ATOH8: variants seen among roughly 807,000 people sequenced by gnomAD.
ATOH8 encodes transcription factor ATOH8.
In ATOH8, 9 loss-of-function variants were observed where a neutral mutation model predicts 21.2. The ratio of observed to expected loss-of-function variants is 0.42; its 90% CI spans 0.26 to 0.74. ATOH8 has a LOEUF of 0.74. ATOH8 is among the 30% of genes least tolerant of loss of function. ATOH8 has a pLI of 0.24. For synonymous variants in ATOH8, 253 were observed against 224.0 expected (o/e 1.13, Z -1.16); for missense variants, 524 against 470.9 (o/e 1.11, Z -1.04).
At chr2:85,765,422 C>T (rs1265939636) in intron 2 of ATOH8, among the ~76,000 whole-genome samples, 1 of 152,260 alleles carries the variant, frequency 6.6e-6, no homozygotes, top group East Asian at 1.9e-4. Flanking sequence ...GCCACGGTAA[C>T]TGCACGTTGC....
In ATOH8 at chr2:85,754,353, T is replaced by C. The variant is rs1384523591; in HGVS notation, c.164T>C (p.Val55Ala). The C allele has an allele frequency of 2.5e-6, 4 of 1,606,594 alleles. No individual in the cohort carries two copies. The highest frequency in any genetic ancestry group is 2.5e-6 in the Non-Finnish European group (3 of 1,177,468). The change falls in exon 1 of 3, where the codon GTA becomes GCA. Residue 55 changes from valine (V) to alanine (A), a missense_variant. Physicochemically the swap from Val to Ala is moderately conservative, Grantham distance 64 (BLOSUM62 0). Transcript: ENST00000306279. Reference sequence around the variant, plus strand: ...TTGGAAGCGCCCGAGCCCCGCGCCGTAGCCACCAACGGGCTGCGGGACAGG... The same window carrying C: ...TTGGAAGCGCCCGAGCCCCGCGCCGCAGCCACCAACGGGCTGCGGGACAGG... ...LDLEAPEPRA[V>A]ATNGLRDRTH...
intron 2 of ATOH8, among the ~76,000 whole-genome samples, chr2:85,770,683 T>C (rs1355092559): frequency 3.9e-5 from 6 of 152,174 alleles, no homozygotes. Context: ...GAGCTGGCTT[T>C]CCCTGAACGT....
chr2:85,786,969 T>G lies in ATOH8; in HGVS notation c.*79T>G. 6.3e-7 allele frequency: 1 copy of G among 1,597,074 alleles called. No individual in the cohort carries two copies. ...CTGAGGACAAGGTGAGCTCGCTGAG[T>G]CCAGCCTCGTGGTCTTCTCCAAGAT... On this transcript the variant is annotated 3_prime_UTR_variant, in exon 3 of 3. Transcript: ENST00000306279.
intron 1 of ATOH8, among the ~76,000 whole-genome samples, chr2:85,760,329 G>A (rs529739307): frequency 4.0e-5 from 6 of 151,586 alleles, no homozygotes; most frequent in African/African-American, 9.7e-5. Flanking sequence ...AGGGTGAGCC[G>A]ACAATGGCTG....
rs754810430 is a variant in ATOH8 at position 85,786,936 on chromosome 2, AG to A, written c.*47del. ...GGCCACCACTGTGGGCCCTCCTTCC[AG>A]TCAGGCCTGAGGACAAGGTGAGCTC... is the stretch of plus-strand genomic sequence containing the variant. On this transcript the variant is annotated 3_prime_UTR_variant, in exon 3 of 3. Transcript: ENST00000306279. 1.7e-5 allele frequency: 27 copies of A among 1,613,968 alleles called. No homozygotes were observed. The East Asian group carries it at 2.7e-4, about 16-fold the overall frequency.
rs1279856666 is a variant in ATOH8 at position 85,766,779 on chromosome 2, GGTCATAATTGCTAGCT to G, written c.960+2602_960+2617del. On this transcript the variant is annotated intron_variant, in intron 2 of 2. Transcript: ENST00000306279. This position sits in a 1 kb window ranked among gnomAD's most constrained non-coding sequence, Gnocchi z 4.0. Reference sequence around the variant, plus strand: ...CGCTTCTGGGCACCTATGCTTTTGCGGTCATAATTGCTAGCTGTCACCCTCCATCTGTCTGTCTACC... The same window carrying G: ...CGCTTCTGGGCACCTATGCTTTTGCGGTCACCCTCCATCTGTCTGTCTACC... Among the ~76,000 whole-genome samples, 1 of 152,120 alleles carries G rather than the reference GGTCATAATTGCTAGCT, an allele frequency of 6.6e-6. No individual in the cohort carries two copies. The highest frequency in any genetic ancestry group is 1.5e-5 in the Non-Finnish European group (1 of 68,006).
rs1021891247 is a variant in ATOH8 at position 85,754,839 on chromosome 2, C to T, written c.650C>T (p.Ala217Val). 1 of 1,612,432 alleles carries T rather than the reference C, an allele frequency of 6.2e-7. No individual in the cohort carries two copies. Among genetic ancestry groups the T allele is most frequent in the Non-Finnish European group, 8.5e-7 (1 of 1,179,926 alleles). Residue 217 changes from alanine to valine, a missense_variant, in exon 1 of 3, where the codon GCG (alanine) becomes GTG (valine). Physicochemically the swap from Ala to Val is moderately conservative, Grantham distance 64. Transcript: ENST00000306279. ...TCGCCTAGGAAACGACCGGGCGAAGCGACTGCCGCCTCCTCCGAGATCAAA... is the reference window on the plus strand; with the variant it reads ...TCGCCTAGGAAACGACCGGGCGAAGTGACTGCCGCCTCCTCCGAGATCAAA... ...SASPRKRPGE[A>V]TAASSEIKAL...
intron 2 of ATOH8, among the ~76,000 whole-genome samples, chr2:85,775,749 G>A (rs1339567158): frequency 1.3e-5 from 2 of 152,090 alleles, no homozygotes; most frequent in Admixed American, 1.3e-4. Flanking sequence ...TGCTCCCCTC[G>A]AACCCGAGAA....
chr2:85,757,834 G>T (rs1679758059), intron 1 of ATOH8, among the ~76,000 whole-genome samples: 2 of 144,180 alleles, frequency 1.4e-5, no homozygotes, highest in African/African-American at 5.1e-5. Flanking sequence ...TGACCAGGCT[G>T]GAGTACAGTG....
At chr2:85,767,478 A>AC (rs1391671696) in intron 2 of ATOH8, among the ~76,000 whole-genome samples, 7 of 149,450 alleles carry the variant, frequency 4.7e-5, no homozygotes, top group Non-Finnish European at 5.9e-5. Flanking sequence ...GCAGTTGTCT[A>AC]CCCCCGCTCA....
intron 1 of ATOH8, 135 bp downstream of exon 1, chr2:85,755,092 A>C: frequency 3.4e-6 from 4 of 1,192,938 alleles, no homozygotes; most frequent in Non-Finnish European, 4.6e-6. Context: ...GTGCCCAGAC[A>C]GGTGTGGGCA....
rs1282289315 is a variant in ATOH8 at position 85,783,974 on chromosome 2, C to T, written c.961-2911C>T. On this transcript the variant is annotated intron_variant, in intron 2 of 2. Transcript: ENST00000306279. Reference sequence around the variant, plus strand: ...AGACCTAGGCTAGACCAATGGGCGTCCTCCACTGGGTCTTGGGGATTGGCA... The same window carrying T: ...AGACCTAGGCTAGACCAATGGGCGTTCTCCACTGGGTCTTGGGGATTGGCA... Among the ~76,000 whole-genome samples the T allele has an allele frequency of 3.3e-5, 5 of 152,106 alleles. No homozygotes were observed. The South Asian group carries it at 8.3e-4, about 25-fold the overall frequency.
chr2:85,777,111 T>C (rs951495927), intron 2 of ATOH8, among the ~76,000 whole-genome samples: 3 of 152,236 alleles, frequency 2.0e-5, no homozygotes, highest in African/African-American at 7.2e-5. Flanking sequence ...GTGTTTACTC[T>C]GTGTCAGGTA....
rs754920791 is a variant in ATOH8, at chr2:85,764,177, C to T, written c.955C>T (p.Arg319Cys). ...TLQAEGRAKK[R>C]KE ...GCAGGCCGAGGGACGTGCCAAGAAG[C>T]GCAAGGTATGCACCAGCTGGGTGGG... The change falls in exon 2 of 3, where the codon CGC (arginine) becomes TGC (cysteine). Residue 319 changes from arginine to cysteine, a missense_variant. Arg to Cys is a radical substitution (Grantham distance 180). Coordinates refer to ENST00000306279, the MANE Select transcript of ATOH8 (RefSeq NM_032827.7). 20 of 1,613,944 alleles carry T rather than the reference C, an allele frequency of 1.2e-5. No individual in the cohort carries two copies. Among genetic ancestry groups the T allele is most frequent in the African/African-American group, 6.7e-5 (5 of 74,940 alleles).
chr2:85,760,164 C>T (rs1679823532), intron 1 of ATOH8, among the ~76,000 whole-genome samples: 1 of 151,902 alleles, frequency 6.6e-6, no homozygotes, highest in African/African-American at 2.4e-5. Context: ...GCATATGGGA[C>T]CTTGCGAAAA....
chr2:85,774,643 C>T (rs1680276532), intron 2 of ATOH8: 2 of 985,532 alleles, frequency 2.0e-6, no homozygotes, highest in African/African-American at 3.5e-5. Context: ...GCTGGTCAGA[C>T]TGCCTCACTC....
chr2:85,774,675 A>G, intron 2 of ATOH8: 7 of 985,322 alleles, frequency 7.1e-6, no homozygotes, highest in Non-Finnish European at 8.4e-6. Context: ...TAGCTCCCCT[A>G]AGGCCTAGGG....
intron 2 of ATOH8, among the ~76,000 whole-genome samples, chr2:85,764,802 C>T (rs1399092033): frequency 6.6e-6 from 1 of 152,090 alleles, no homozygotes; most frequent in Non-Finnish European, 1.5e-5. Context: ...AGGGCAGGAG[C>T]CCTGTGCTAG....
rs1680678205 is a variant in ATOH8 at position 85,788,357 on chromosome 2, A to G, written c.*1467A>G. 6.6e-6 allele frequency among the ~76,000 whole-genome samples: 1 copy of G among 152,088 alleles called. No homozygotes were observed. ...GATTTATGAGATAGGGGCCCCTATT[A>G]TTAACCCCGTTTCACAGATGGGGTA... On this transcript the variant is annotated 3_prime_UTR_variant, in exon 3 of 3. Transcript: ENST00000306279.
Sources: gnomAD v4.1 joint callset for allele counts (sites outside exome capture counted in the v4.1 genomes callset) on GRCh38, gnomAD v4.1.1 for gene constraint, Gnocchi (gnomAD v3.1) non-coding constraint, MANE v1.5 for transcripts, NCBI Gene and HGNC (gene_info 2026-07-23, HGNC 2026-07-21) for gene names.